BATF3: variants seen among roughly 807,000 people sequenced by gnomAD.
BATF3 encodes basic leucine zipper ATF-like transcription factor 3, also known as basic leucine zipper transcriptional factor ATF-like 3.
BATF3 carries 8 observed loss-of-function variants against 16.1 expected under a neutral mutation model. The observed-to-expected ratio is 0.50, with a 90% CI of 0.29 to 0.90. The LOEUF is 0.90. BATF3 is among the 40% of genes least tolerant of loss of function. The probability of loss-of-function intolerance (pLI) is 0.08; values close to 1 mark genes in which losing one functional copy is unlikely to be tolerated. For missense variants in BATF3, 139 were observed against 167.0 expected, an observed-to-expected ratio of 0.83 and a Z score of 0.92; for synonymous variants, 74 against 72.7, an observed-to-expected ratio of 1.02 and a Z score of -0.09.
In BATF3 at chr1:212,689,576, C is replaced by T. The variant is rs1027543920; in HGVS notation, c.196-2597G>A. Among the ~76,000 whole-genome samples the T allele has an allele frequency of 2.6e-5, 4 of 152,112 alleles. No individual in the cohort carries two copies. The highest frequency in any genetic ancestry group is 9.7e-5 in the African/African-American group (4 of 41,406). Reference sequence around the variant, plus strand: ...GTGAGAATTCTGTCTACAAATCCAGCCATAAGCTCTCCGTGGGCAAGGGGA... The same window carrying T: ...GTGAGAATTCTGTCTACAAATCCAGTCATAAGCTCTCCGTGGGCAAGGGGA... On this transcript the variant is annotated intron_variant, in intron 2 of 2. Transcript: ENST00000243440. The surrounding 1 kb of genome is among the most constrained non-coding windows in gnomAD (Gnocchi z 4.6).
At chr1:212,696,492 T>C (rs1186990353) in intron 2 of BATF3, among the ~76,000 whole-genome samples, 2 of 151,972 alleles carry the variant, frequency 1.3e-5, no homozygotes, top group African/African-American at 4.8e-5. Flanking sequence ...TGTGTTTGTT[T>C]GTGTGTATAT....
At chr1:212,697,190 G>A in intron 1 of BATF3, 125 bp from the exon 2 acceptor site, 3 of 712,680 alleles carry the variant, frequency 4.2e-6, no homozygotes, top group Admixed American at 4.6e-5. Flanking sequence ...AGCACCACTA[G>A]TTGCTATACC....
chr1:212,692,713 C>T (rs1309020157), intron 2 of BATF3, among the ~76,000 whole-genome samples: 2 of 152,180 alleles, frequency 1.3e-5, no homozygotes, highest in East Asian at 1.9e-4. Flanking sequence ...GCTGGGATTA[C>T]AGGCACGAGC....
chr1:212,697,122 G>T, intron 1 of BATF3, 57 bp from the exon 2 acceptor site: 2 of 1,377,274 alleles, frequency 1.5e-6, no homozygotes, highest in Non-Finnish European at 1.0e-6. Flanking sequence ...ACCCTTTTCT[G>T]CCCTGTCTCA....
Position 212,699,614 on chromosome 1 carries a change from C to A in BATF3, c.90+59G>T. On this transcript the variant is annotated intron_variant, in intron 1 of 2. Transcript: ENST00000243440. The surrounding 1 kb of genome is among the most constrained non-coding windows in gnomAD (Gnocchi z 4.4). ...GGAACTCCAGCACCCACCTCCTCGC[C>A]CCCCGCGGCGCGCCGGTCCCCGCAC... is the stretch of plus-strand genomic sequence containing the variant. 8.1e-7 allele frequency: 1 copy of A among 1,236,940 alleles called. No individual in the cohort carries two copies. Among genetic ancestry groups the A allele is most frequent in the Non-Finnish European group, 1.0e-6 (1 of 981,658 alleles). 76.6% of individuals were successfully genotyped at this position (1,236,940 alleles called of 1,614,324 possible).
intron 2 of BATF3, among the ~76,000 whole-genome samples, chr1:212,690,728 C>G (rs544289060): frequency 5.7e-4 from 87 of 152,180 alleles, no homozygotes; most frequent in Non-Finnish European, 9.7e-4. Flanking sequence ...CTGCCAAGTT[C>G]CAAATCCTTT....
At position 212,699,741 on chromosome 1, in the gene BATF3, C is replaced by A; in HGVS notation, c.22G>T (p.Ala8Ser). Residue 8 changes from alanine to serine, a missense_variant, in exon 1 of 3, where the codon GCC becomes TCC. Physicochemically the swap from Ala to Ser is moderately conservative, Grantham distance 99. Coordinates refer to ENST00000243440, the MANE Select transcript of BATF3 (RefSeq NM_018664.3). The surrounding 1 kb of genome is among the most constrained non-coding windows in gnomAD (Gnocchi z 4.4). ...ACGCTCCTCTGCAGGACGCTGCCGG[C>A]GGCCGGGAGCCCTTGCGACATGCCG... MSQGLPAAGSVLQRSVAA... is the reference protein window; with the variant it reads MSQGLPASGSVLQRSVAA... The A allele has an allele frequency of 7.7e-7, 1 of 1,299,282 alleles. No homozygotes were observed. Among genetic ancestry groups the A allele is most frequent in the South Asian group, 2.2e-5 (1 of 44,450 alleles). The allele number at this position is 1,299,282 out of a possible 1,614,324, so 80.5% of individuals were successfully genotyped here.
chr1:212,687,868 A>G (rs1255559001), intron 2 of BATF3, among the ~76,000 whole-genome samples: 1 of 151,662 alleles, frequency 6.6e-6, no homozygotes, highest in Non-Finnish European at 1.5e-5. Context: ...TCGAGGCTGC[A>G]ATAAGCCATG....
At chr1:212,693,789 GCTTCATACAGGTA>G (rs1408373091) in intron 2 of BATF3, among the ~76,000 whole-genome samples, 1 of 152,188 alleles carries the variant, frequency 6.6e-6, no homozygotes, top group Non-Finnish European at 1.5e-5. Context: ...GAGAGCCAAC[GCTTCATACAGGTA>G]CTTTTTTGAT....
At chr1:212,694,147 G>T (rs1558021019) in intron 2 of BATF3, among the ~76,000 whole-genome samples, 1 of 152,254 alleles carries the variant, frequency 6.6e-6, no homozygotes, top group East Asian at 1.9e-4. Context: ...TACAAGCCCA[G>T]GAACACTGAA....
rs61506603 is a variant in BATF3 at position 212,695,608 on chromosome 1, A to G, written c.195+1353T>C. On this transcript the variant is annotated intron_variant, in intron 2 of 2. Coordinates refer to ENST00000243440, the MANE Select transcript of BATF3 (RefSeq NM_018664.3). ...CAGCGAGCCATGATCATGCCATCAC[A>G]CTCCAGCCTGGGCAACAGAGCAAGA... Among the ~76,000 whole-genome samples the G allele has an allele frequency of 1.8e-3, 276 of 151,652 alleles. 3 individuals carry two copies. Among genetic ancestry groups the G allele is most frequent in the African/African-American group, 6.4e-3 (265 of 41,298 alleles).
Position 212,689,852 on chromosome 1 carries a change from GACAC to G in BATF3, c.196-2877_196-2874del, listed in dbSNP as rs911556426. Among the ~76,000 whole-genome samples the G allele has an allele frequency of 1.4e-5, 2 of 145,632 alleles. No individual in the cohort carries two copies. The highest frequency in any genetic ancestry group is 5.2e-5 in the African/African-American group (2 of 38,832). On this transcript the variant is annotated intron_variant, in intron 2 of 2. Transcript: ENST00000243440. This position sits in a 1 kb window ranked among gnomAD's most constrained non-coding sequence, Gnocchi z 4.6. The stretch of plus-strand genomic sequence containing the variant: ...ACACACACACTCATACACAACCACA[GACAC>G]ACACACAGATACACACAGTCACACA...
Position 212,693,217 on chromosome 1 carries a change from C to T in BATF3, c.195+3744G>A, listed in dbSNP as rs190430323. On this transcript the variant is annotated intron_variant, in intron 2 of 2. Transcript: ENST00000243440. ...AGCTACAATGCCCTCCTGGAAGGAA[C>T]AGGGAAGGGATTACTCACGTGGTGA... 2.5e-3 allele frequency among the ~76,000 whole-genome samples: 378 copies of T among 152,352 alleles called. 4 individuals carry two copies. The highest frequency in any genetic ancestry group is 1.2e-3 in the Non-Finnish European group (79 of 68,018).
In BATF3 at chr1:212,694,265, T is replaced by C. The variant is rs932381607; in HGVS notation, c.195+2696A>G. ...TTGACCCAATATGACCCACTTCTGA[T>C]GTGTGACTGCCAAAGCTGGAAGATA... On this transcript the variant is annotated intron_variant, in intron 2 of 2. Coordinates refer to ENST00000243440, the MANE Select transcript of BATF3 (RefSeq NM_018664.3). 3.3e-5 allele frequency among the ~76,000 whole-genome samples: 5 copies of C among 152,222 alleles called. No individual in the cohort carries two copies. The East Asian group carries it at 9.6e-4, about 29-fold the overall frequency.
rs1341745811 is a variant in BATF3, at chr1:212,699,204, G to T, written c.90+469C>A. ...CTGGGGGCGGAGTCGGCCCTTTGTG[G>T]GTTCCCTCCGCCCAGGCTGACTAGT... On this transcript the variant is annotated intron_variant, in intron 1 of 2. Transcript: ENST00000243440. This position sits in a 1 kb window ranked among gnomAD's most constrained non-coding sequence, Gnocchi z 4.4. Among the ~76,000 whole-genome samples, 1 of 152,198 alleles carries T rather than the reference G, an allele frequency of 6.6e-6. No homozygotes were observed. The highest frequency in any genetic ancestry group is 1.5e-5 in the Non-Finnish European group (1 of 68,028).
In BATF3 at chr1:212,686,675, T is replaced by C; in HGVS notation, c.*116A>G. The stretch of plus-strand genomic sequence containing the variant: ...GAACACAGCTGGCTGGTCCTGGAGC[T>C]CCCAGGAGGAGGCCTGGCCACAGGT... On this transcript the variant is annotated 3_prime_UTR_variant, in exon 3 of 3. Coordinates refer to ENST00000243440, the MANE Select transcript of BATF3 (RefSeq NM_018664.3). The C allele has an allele frequency of 2.1e-6, 3 of 1,426,260 alleles. No individual in the cohort carries two copies. Among genetic ancestry groups the C allele is most frequent in the South Asian group, 1.4e-5 (1 of 69,172 alleles). 88.4% of individuals were successfully genotyped at this position (1,426,260 alleles called of 1,614,324 possible).
chr1:212,699,467 C>T lies in BATF3; in HGVS notation c.90+206G>A, dbSNP rs1016777208. Among the ~76,000 whole-genome samples, 5 of 152,106 alleles carry T rather than the reference C, an allele frequency of 3.3e-5. No homozygotes were observed. Among genetic ancestry groups the T allele is most frequent in the Non-Finnish European group, 5.9e-5 (4 of 67,978 alleles). On this transcript the variant is annotated intron_variant, in intron 1 of 2. Coordinates refer to ENST00000243440, the MANE Select transcript of BATF3 (RefSeq NM_018664.3). This position sits in a 1 kb window ranked among gnomAD's most constrained non-coding sequence, Gnocchi z 4.4. ...CTGGCTCAGGAGCCATTCCAGGAGC[C>T]GCGGACACTGTGCGCACGACAGGGT... is the stretch of plus-strand genomic sequence containing the variant.
At chr1:212,690,469 T>C (rs751944316) in intron 2 of BATF3, among the ~76,000 whole-genome samples, 1 of 152,186 alleles carries the variant, frequency 6.6e-6, no homozygotes, top group African/African-American at 2.4e-5. Flanking sequence ...GGGACTTTTA[T>C]TGAGCTGAGG....
chr1:212,690,313 G>A (rs1049210509), intron 2 of BATF3, among the ~76,000 whole-genome samples: 1 of 152,210 alleles, frequency 6.6e-6, no homozygotes, highest in South Asian at 2.1e-4. Context: ...CCTGTGGCCT[G>A]AGGCTTCCCT....
Sources: gnomAD v4.1 joint callset for allele counts (sites outside exome capture counted in the v4.1 genomes callset) on GRCh38, gnomAD v4.1.1 for gene constraint, Gnocchi (gnomAD v3.1) non-coding constraint, MANE v1.5 for transcripts, NCBI Gene and HGNC (gene_info 2026-07-23, HGNC 2026-07-21) for gene names.